The following KAZN variants were observed in gnomAD, a reference collection of about 807,000 sequenced individuals.
The protein encoded by KAZN is kazrin.
A neutral mutation model predicts 87.4 loss-of-function variants in KAZN; 40 were observed. The observed-to-expected ratio is 0.46, with a 90% CI of 0.36 to 0.60. The LOEUF is 0.60. Among genes scored for constraint, KAZN ranks in the 20% least tolerant of loss-of-function variants. The pLI is 0.00. For missense variants in KAZN, 898 were observed against 1,073.9 expected (o/e 0.84, Z 2.29); for synonymous variants, 466 against 458.3 (o/e 1.02, Z -0.22).
intron 2 of KAZN, among the ~76,000 whole-genome samples, chr1:14,271,753 C>T (rs1043943853): frequency 2.6e-5 from 4 of 152,162 alleles, no homozygotes; most frequent in African/African-American, 9.7e-5. Context: ...CATTGGCCAT[C>T]CCTGATTGGT....
intron 1 of KAZN, among the ~76,000 whole-genome samples, chr1:14,141,015 A>G (rs1230540967): frequency 6.6e-6 from 1 of 152,096 alleles, no homozygotes; most frequent in Non-Finnish European, 1.5e-5. Context: ...CCCAACTAGG[A>G]TGGTCCCTGT....
At chr1:14,979,238 G>A (rs79337653) in intron 2 of KAZN, among the ~76,000 whole-genome samples, 27,435 of 151,256 alleles carry the variant, frequency 0.18, 2,717 homozygotes, top group African/African-American at 0.24. Context: ...GTGAAACCCC[G>A]TCTCTACTAA....
At chr1:14,238,585 T>C (rs963858893) in intron 2 of KAZN, among the ~76,000 whole-genome samples, 2 of 152,252 alleles carry the variant, frequency 1.3e-5, no homozygotes, top group African/African-American at 4.8e-5. Flanking sequence ...ACAATAGCTA[T>C]GCTAAATTTA....
At chr1:14,647,293 C>T (rs77213631) in intron 1 of KAZN, among the ~76,000 whole-genome samples, 8,263 of 152,308 alleles carry the variant, frequency 0.054, 289 homozygotes, top group African/African-American at 0.08. Context: ...AAAACCCACA[C>T]GCCTTCCATC....
At chr1:14,946,699 T>G (rs1334292596) in intron 1 of KAZN, among the ~76,000 whole-genome samples, 1 of 152,212 alleles carries the variant, frequency 6.6e-6, no homozygotes, top group Non-Finnish European at 1.5e-5. Context: ...CTACTTCTCC[T>G]CTTAGCAGAA....
chr1:14,483,439 G>A (rs1669187562), intron 2 of KAZN, among the ~76,000 whole-genome samples: 1 of 152,104 alleles, frequency 6.6e-6, no homozygotes, highest in Non-Finnish European at 1.5e-5. Context: ...AGGAACAAAA[G>A]GGCAGCTTGT....
intron 1 of KAZN, among the ~76,000 whole-genome samples, chr1:13,918,064 A>G (rs1639925897): frequency 6.6e-6 from 1 of 152,340 alleles, no homozygotes; most frequent in Non-Finnish European, 1.5e-5. Flanking sequence ...CACAACATTC[A>G]TTCTGTAGCC....
In KAZN at chr1:14,743,159, T is replaced by C. The variant is rs138765246; in HGVS notation, c.226+143936T>C. ...GAGAGGTCCATAGTAGGTTCAGGTGTGGTGGCTCATGCCTGTAATCCCAGC... is the reference window on the plus strand; with the variant it reads ...GAGAGGTCCATAGTAGGTTCAGGTGCGGTGGCTCATGCCTGTAATCCCAGC... On this transcript the variant is annotated intron_variant, in intron 1 of 14. Transcript: ENST00000376030. Among the ~76,000 whole-genome samples the C allele has an allele frequency of 2.4e-4, 37 of 152,152 alleles. 1 individual carries two copies. Among genetic ancestry groups the C allele is most frequent in the African/African-American group, 8.4e-4 (35 of 41,528 alleles).
At chr1:14,040,357 C>T (rs898804327) in intron 1 of KAZN, among the ~76,000 whole-genome samples, 4 of 152,092 alleles carry the variant, frequency 2.6e-5, no homozygotes, top group Non-Finnish European at 5.9e-5. Context: ...TCAGATCTCC[C>T]GTGTATGTGG....
Position 14,599,017 on chromosome 1 carries a change from A to G in KAZN, c.20A>G (p.Gln7Arg), listed in dbSNP as rs1233614931. 6.4e-7 allele frequency: 1 copy of G among 1,570,792 alleles called. No homozygotes were observed. The highest frequency in any genetic ancestry group is 8.6e-7 in the Non-Finnish European group (1 of 1,162,366). The change falls in exon 1 of 15, where the codon CAG becomes CGG. Residue 7 changes from glutamine (Q) to arginine (R), a missense_variant. Physicochemically the swap from Gln to Arg is conservative, Grantham distance 43. This residue lies in a region of KAZN where 250 missense variants were observed against 263.0 expected (regional missense o/e 0.95). Coordinates refer to ENST00000376030, the MANE Select transcript of KAZN (RefSeq NM_201628.3). This position sits in a 1 kb window ranked among gnomAD's most constrained non-coding sequence, Gnocchi z 4.4. ...CTGAGCATGATGGAAGACAATAAGC[A>G]GCTCGCGCTCCGCATCGATGGGGCG... MMEDNKQLALRIDGAVQ... is the reference protein window; with the variant it reads MMEDNKRLALRIDGAVQ...
At chr1:14,225,753 TG>T (rs1647250641) in intron 2 of KAZN, among the ~76,000 whole-genome samples, 1 of 152,082 alleles carries the variant, frequency 6.6e-6, no homozygotes, top group Non-Finnish European at 1.5e-5. Flanking sequence ...TAACGAGCAA[TG>T]GGGAAAGGAA....
At chr1:14,110,212 G>A (rs180773043) in intron 1 of KAZN, among the ~76,000 whole-genome samples, 4 of 152,300 alleles carry the variant, frequency 2.6e-5, no homozygotes, top group East Asian at 1.9e-4. Flanking sequence ...TGGATGTTCC[G>A]TTTCCTTCAC....
intron 2 of KAZN, among the ~76,000 whole-genome samples, chr1:14,417,286 T>G (rs911768072): frequency 6.6e-6 from 1 of 152,190 alleles, no homozygotes; most frequent in South Asian, 2.1e-4. Flanking sequence ...AGAAGGGCAA[T>G]TTTTAAAACG....
At chr1:13,994,366 G>T (rs1639415100) in intron 1 of KAZN, among the ~76,000 whole-genome samples, 1 of 152,210 alleles carries the variant, frequency 6.6e-6, no homozygotes, top group Non-Finnish European at 1.5e-5. Flanking sequence ...ATCAAAAGTT[G>T]ACTCATGTCT....
chr1:14,200,154 T>C (rs1228284659), intron 2 of KAZN, among the ~76,000 whole-genome samples: 1 of 152,112 alleles, frequency 6.6e-6, no homozygotes, highest in African/African-American at 2.4e-5. Context: ...CAAATAAAAA[T>C]CCAATAATAT....
intron 1 of KAZN, among the ~76,000 whole-genome samples, chr1:14,955,417 G>A (rs1001880585): frequency 1.3e-5 from 2 of 152,266 alleles, no homozygotes; most frequent in Non-Finnish European, 2.9e-5. Flanking sequence ...AGCTTAGGCT[G>A]AGATTGCAGT....
At chr1:14,670,517 C>G (rs1235792808) in intron 1 of KAZN, among the ~76,000 whole-genome samples, 1 of 152,190 alleles carries the variant, frequency 6.6e-6, no homozygotes, top group Non-Finnish European at 1.5e-5. Context: ...TAGTATGCAT[C>G]AGAGTTACCT....
At chr1:14,879,525 G>A (rs1363023633) in intron 1 of KAZN, among the ~76,000 whole-genome samples, 2 of 152,106 alleles carry the variant, frequency 1.3e-5, no homozygotes, top group Admixed American at 6.5e-5. Context: ...AACGGCCCTG[G>A]GTGATCTGTC....
At chr1:13,928,501 A>C (rs1640370962) in intron 1 of KAZN, among the ~76,000 whole-genome samples, 2 of 152,228 alleles carry the variant, frequency 1.3e-5, no homozygotes, top group South Asian at 4.1e-4. Flanking sequence ...GGCTTCTGAA[A>C]TCATGCTTGT....
Sources: gnomAD v4.1 joint callset for allele counts (sites outside exome capture counted in the v4.1 genomes callset) on GRCh38, gnomAD v4.1.1 for gene constraint, gnomAD v4.1.1 regional missense constraint, Gnocchi (gnomAD v3.1) non-coding constraint, MANE v1.5 for transcripts, NCBI Gene and HGNC (gene_info 2026-07-23, HGNC 2026-07-21) for gene names.